ZNF75D: variants seen among roughly 807,000 people sequenced by gnomAD.
The protein encoded by ZNF75D is zinc finger protein 75D.
In ZNF75D, 33 loss-of-function variants were observed where a neutral mutation model predicts 33.3. That is an observed-to-expected ratio of 0.99 (90% CI 0.75 to 1.32). The LOEUF is 1.32. Ranked by LOEUF, ZNF75D falls within the 40% of genes most tolerant of loss-of-function variation. The pLI is 0.00. For missense variants in ZNF75D, 338 were observed against 367.5 expected (o/e 0.92, Z 0.66); for synonymous variants, 113 against 130.6 (o/e 0.87, Z 0.92).
intron 1 of ZNF75D, among the ~76,000 whole-genome samples, chrX:135,273,896 T>A (rs1030530257): frequency 2.3e-4 from 26 of 111,940 alleles, no homozygotes; most frequent in Admixed American, 9.5e-5. Flanking sequence ...CTAAACAGGG[T>A]CAGGCCTAAT....
chrX:135,258,614 T>C (rs1481250950), intron 1 of ZNF75D, among the ~76,000 whole-genome samples: 1 of 111,969 alleles, frequency 8.9e-6, no homozygotes, highest in Middle Eastern at 4.2e-3. Flanking sequence ...TGTCTATTCA[T>C]ATCCTTTGCC....
intron 1 of ZNF75D, among the ~76,000 whole-genome samples, chrX:135,315,831 G>A (rs140622312): frequency 9.0e-6 from 1 of 111,726 alleles, no homozygotes; most frequent in Non-Finnish European, 1.9e-5. Context: ...TATGTAAAGT[G>A]CATTTATCAT....
At chrX:135,261,745 T>C (rs1388315776) in intron 1 of ZNF75D, among the ~76,000 whole-genome samples, 1 of 112,098 alleles carries the variant, frequency 8.9e-6, no homozygotes, top group Non-Finnish European at 1.9e-5. Context: ...CTTGACTCTT[T>C]ATCCAATTTG....
At chrX:135,310,974 T>A (rs189444476) in intron 1 of ZNF75D, among the ~76,000 whole-genome samples, 17 of 111,432 alleles carry the variant, frequency 1.5e-4, no homozygotes, top group African/African-American at 5.2e-4. Context: ...GCCTGGATAC[T>A]CCTCTGTTGG....
chrX:135,259,951 A>G (rs1250551999), intron 1 of ZNF75D, among the ~76,000 whole-genome samples: 11 of 111,954 alleles, frequency 9.8e-5, no homozygotes, highest in Non-Finnish European at 1.9e-4. Context: ...AGCTCTTATT[A>G]TTTTGAGATA....
chrX:135,263,940 C>T (rs1453465414), intron 1 of ZNF75D, among the ~76,000 whole-genome samples: 1 of 112,160 alleles, frequency 8.9e-6, no homozygotes, highest in Non-Finnish European at 1.9e-5. Flanking sequence ...TCCTATTTGG[C>T]CATCTTGGAA....
At chrX:135,279,293 T>C (rs2148464336) in intron 1 of ZNF75D, among the ~76,000 whole-genome samples, 1 of 112,257 alleles carries the variant, frequency 8.9e-6, no homozygotes, top group Non-Finnish European at 1.9e-5. Context: ...TTTATAGTAT[T>C]CTCTGATGGT....
intron 1 of ZNF75D, among the ~76,000 whole-genome samples, chrX:135,309,967 G>A (rs1556427209): frequency 8.9e-6 from 1 of 111,827 alleles, no homozygotes; most frequent in African/African-American, 3.3e-5. Context: ...AAAACACTGC[G>A]AAGTCGAAGT....
intron 2 of ZNF75D, among the ~76,000 whole-genome samples, chrX:135,294,618 A>G (rs782643102): frequency 1.8e-5 from 2 of 111,171 alleles, no homozygotes; most frequent in African/African-American, 6.5e-5. Flanking sequence ...TTCCTGTCCT[A>G]TATTGGCAAA....
chrX:135,334,778 C>T (rs1156615082), intron 1 of ZNF75D, among the ~76,000 whole-genome samples: 1 of 111,467 alleles, frequency 9.0e-6, no homozygotes, highest in African/African-American at 3.3e-5. Context: ...CTGATCATCG[C>T]CCAGTGTGTC....
At position 135,253,685 on chromosome X, in the gene ZNF75D, G is replaced by A. The variant is rs1398812535; in HGVS notation, n.1151-1674C>T. On this transcript the variant is annotated intron_variant and non_coding_transcript_variant, in intron 2 of 3. Coordinates refer to the ZNF75D transcript ENST00000494295. The stretch of plus-strand genomic sequence containing the variant: ...GCTTCTGTTCATCCTAACACGCTGT[G>A]CAGGGGTGCTTAGACCCAGGGGAGA... The A allele has an allele frequency of 2.0e-5, 5 of 252,282 alleles. 1 individual carries two copies. The highest frequency in any genetic ancestry group is 1.4e-4 in the African/African-American group (5 of 34,506). The allele number at this position is 252,282 out of a possible 1,213,427, so 20.8% of individuals were successfully genotyped here.
At chrX:135,312,851 ATTTGT>A (rs782406915) in intron 1 of ZNF75D, among the ~76,000 whole-genome samples, 3 of 111,019 alleles carry the variant, frequency 2.7e-5, no homozygotes, top group South Asian at 3.8e-4. Flanking sequence ...TAATGGGATT[ATTTGT>A]TTTATTATTC....
chrX:135,318,621 T>G (rs1001811843), intron 1 of ZNF75D, among the ~76,000 whole-genome samples: 1 of 112,022 alleles, frequency 8.9e-6, no homozygotes, highest in Non-Finnish European at 1.9e-5. Flanking sequence ...AAATTAATAT[T>G]CATTAACAAT....
intron 1 of ZNF75D, among the ~76,000 whole-genome samples, chrX:135,305,338 G>A (rs1328995476): frequency 9.0e-6 from 1 of 111,561 alleles, no homozygotes; most frequent in Non-Finnish European, 1.9e-5. Flanking sequence ...GTGCCTCAGG[G>A]TCTATTTTTA....
Position 135,287,664 on chromosome X carries a change from T to A in ZNF75D, c.1006A>T (p.Lys336Ter), listed in dbSNP as rs1556420045. The change falls in exon 7 of 7, where the codon AAG (lysine) becomes TAG (stop). Residue 336 changes from lysine (K) to a stop codon, truncating the protein, a stop_gained. Transcript: ENST00000370766. LOFTEE classifies it high-confidence loss of function. ...CAAGTTGCAGGTTTCTTTCTTTTCT[T>A]CCTTGGAAAAGCTCGATGCCATTTC... ...VQKWHRAFPR[K>*]KRKKPATCKQ... The A allele has an allele frequency of 8.3e-7, 1 of 1,210,467 alleles. No individual in the cohort carries two copies. The highest frequency in any genetic ancestry group is 1.1e-6 in the Non-Finnish European group (1 of 895,301).
chrX:135,291,300 A>G (rs1006136222), intron 5 of ZNF75D, 165 bp from the exon 6 acceptor site: 35 of 799,579 alleles, frequency 4.4e-5, no homozygotes, highest in Non-Finnish European at 6.1e-5. Flanking sequence ...GGATCAGTAA[A>G]TCACCTGGGA....
rs782753019 is a variant in ZNF75D, at chrX:135,325,567, G to A, written c.-391+16201C>T. ...CTCGGAGCAGCCGGCCGGCCCTGCC[G>A]GCCCCGGGCAATGAGGGACGTAGCA... On this transcript the variant is annotated intron_variant, in intron 1 of 6. Transcript: ENST00000370766. Among the ~76,000 whole-genome samples, 1,039 of 112,346 alleles carry A rather than the reference G, an allele frequency of 9.2e-3. 10 individuals carry two copies. Among genetic ancestry groups the A allele is most frequent in the African/African-American group, 0.028 (877 of 31,009 alleles).
At chrX:135,277,311 C>T (rs2083902829) in intron 1 of ZNF75D, among the ~76,000 whole-genome samples, 1 of 112,070 alleles carries the variant, frequency 8.9e-6, no homozygotes, top group African/African-American at 3.3e-5. Context: ...CTGTTCATAT[C>T]CTTCACCCAC....
At chrX:135,281,777 G>T (rs781879389), downstream of ZNF75D, among the ~76,000 whole-genome samples, 1 of 112,292 alleles carries the variant, frequency 8.9e-6, no homozygotes, top group Non-Finnish European at 1.9e-5. Flanking sequence ...GTTTGCTGGA[G>T]GTCCAATCCA....
Sources: gnomAD v4.1 joint callset for allele counts (sites outside exome capture counted in the v4.1 genomes callset) on GRCh38, gnomAD v4.1.1 for gene constraint, MANE v1.5 for transcripts, NCBI Gene and HGNC (gene_info 2026-07-23, HGNC 2026-07-21) for gene names.